Variants in LHFPL6 observed in about 807,000 individuals in gnomAD.
LHFPL6 encodes LHFPL tetraspan subfamily member 6.
Under a neutral mutation model 20.6 loss-of-function variants are expected in LHFPL6, and 9 were observed. The ratio of observed to expected loss-of-function variants is 0.44; its 90% CI spans 0.26 to 0.76. The LOEUF (loss-of-function observed/expected upper bound fraction) is 0.76, where lower values mean the gene tolerates loss of function less well. Ranked by LOEUF, LHFPL6 falls within the 30% of genes least tolerant of loss-of-function variation. LHFPL6 has a pLI of 0.20. For synonymous variants in LHFPL6, 105 were observed against 98.7 expected (o/e 1.06, Z -0.38); for missense variants, 218 against 253.5 (o/e 0.86, Z 0.95).
intron 2 of LHFPL6, among the ~76,000 whole-genome samples, chr13:39,550,620 A>G (rs1315802709): frequency 6.6e-6 from 1 of 152,126 alleles, no homozygotes; most frequent in African/African-American, 2.4e-5. Flanking sequence ...CCACTTTTTA[A>G]ATTGTTTTGA....
At chr13:39,561,048 G>A (rs555386405) in intron 2 of LHFPL6, among the ~76,000 whole-genome samples, 9 of 151,996 alleles carry the variant, frequency 5.9e-5, no homozygotes, top group Non-Finnish European at 1.3e-4. Context: ...CTATGCAGGA[G>A]CCAGCCGGGG....
chr13:39,430,341 T>C (rs1022879168), intron 2 of LHFPL6, among the ~76,000 whole-genome samples: 2 of 152,216 alleles, frequency 1.3e-5, no homozygotes, highest in African/African-American at 2.4e-5. Context: ...ATGACAATTC[T>C]GCGAGGTTTT....
rs566741882 is a variant in LHFPL6 at position 39,583,366 on chromosome 13, G to A, written c.385+17466C>T. ...TTTTATGTATTTTTTGTAGAAACAG[G>A]GTTTTGCCATGTTGCCCAGGCTGGT... On this transcript the variant is annotated intron_variant, in intron 2 of 3. Transcript: ENST00000379589. 2.9e-4 allele frequency among the ~76,000 whole-genome samples: 44 copies of A among 151,786 alleles called. No individual in the cohort carries two copies. The South Asian group carries it at 3.3e-3, about 11-fold the overall frequency.
intron 2 of LHFPL6, among the ~76,000 whole-genome samples, chr13:39,486,984 G>T (rs1473686282): frequency 6.6e-6 from 1 of 152,202 alleles, no homozygotes; most frequent in Non-Finnish European, 1.5e-5. Context: ...GGCAGCCACA[G>T]CTTGCACAAG....
At chr13:39,384,922 T>C (rs540780890) in intron 2 of LHFPL6, among the ~76,000 whole-genome samples, 2 of 152,302 alleles carry the variant, frequency 1.3e-5, no homozygotes, top group African/African-American at 4.8e-5. Context: ...AAAGATGTTG[T>C]GAAGCAAGTC....
intron 1 of LHFPL6, among the ~76,000 whole-genome samples, chr13:39,601,815 C>A (rs1161769129): frequency 6.6e-6 from 1 of 152,018 alleles, no homozygotes; most frequent in Admixed American, 6.5e-5. Flanking sequence ...TTTCTATGTC[C>A]CTTTAAGGGT....
At chr13:39,506,445 G>A (rs1285008305) in intron 2 of LHFPL6, among the ~76,000 whole-genome samples, 1 of 152,192 alleles carries the variant, frequency 6.6e-6, no homozygotes. Flanking sequence ...GGGATTTCAC[G>A]CTCTTCTGAG....
At chr13:39,474,775 G>C (rs945422629) in intron 2 of LHFPL6, among the ~76,000 whole-genome samples, 3 of 152,012 alleles carry the variant, frequency 2.0e-5, no homozygotes, top group Non-Finnish European at 2.9e-5. Context: ...GACCCATGGT[G>C]GGGGCAGGCC....
At chr13:39,459,031 A>T (rs191561534) in intron 2 of LHFPL6, among the ~76,000 whole-genome samples, 1 of 152,188 alleles carries the variant, frequency 6.6e-6, no homozygotes, top group East Asian at 1.9e-4. Context: ...TTCCCTTCCA[A>T]GGACTTTTAA....
chr13:39,458,106 G>C (rs1872611542), intron 2 of LHFPL6, among the ~76,000 whole-genome samples: 1 of 152,158 alleles, frequency 6.6e-6, no homozygotes, highest in South Asian at 2.1e-4. Flanking sequence ...TGGAGAAATA[G>C]TTTCATCCTG....
At chr13:39,527,490 T>TTG (rs1229415524) in intron 2 of LHFPL6, among the ~76,000 whole-genome samples, 4 of 151,870 alleles carry the variant, frequency 2.6e-5, no homozygotes, top group African/African-American at 9.7e-5. Context: ...GACAACATGG[T>TTG]TCCATCTGTT....
intron 3 of LHFPL6, among the ~76,000 whole-genome samples, chr13:39,356,599 A>C (rs1366296173): frequency 6.6e-6 from 1 of 152,260 alleles, no homozygotes; most frequent in African/African-American, 2.4e-5. Context: ...GGAAGGATGC[A>C]CATGATAGAT....
At chr13:39,487,253 T>C (rs9576819) in intron 2 of LHFPL6, among the ~76,000 whole-genome samples, 33,384 of 152,062 alleles carry the variant, frequency 0.22, 5,660 homozygotes, top group East Asian at 0.73. Flanking sequence ...AAGAAACAAA[T>C]AGAGATAAAA....
chr13:39,417,018 T>G (rs1386246523), intron 2 of LHFPL6, among the ~76,000 whole-genome samples: 1 of 152,248 alleles, frequency 6.6e-6, no homozygotes, highest in Non-Finnish European at 1.5e-5. Flanking sequence ...CCGATACATT[T>G]AGGTTATTCC....
chr13:39,492,329 A>C (rs1325965973), intron 2 of LHFPL6, among the ~76,000 whole-genome samples: 1 of 152,224 alleles, frequency 6.6e-6, no homozygotes, highest in African/African-American at 2.4e-5. Context: ...TCACTTTCTT[A>C]GTAAAATAGG....
At chr13:39,500,056 A>AC (rs1182584408) in intron 2 of LHFPL6, among the ~76,000 whole-genome samples, 1 of 150,184 alleles carries the variant, frequency 6.7e-6, no homozygotes. Context: ...GGTCCTTTTT[A>AC]CCCCCAGATA....
rs116455007 is a variant in LHFPL6, at chr13:39,411,983, G to A, written c.386-33457C>T. 1.7e-3 allele frequency among the ~76,000 whole-genome samples: 257 copies of A among 152,262 alleles called. 1 individual carries two copies. The highest frequency in any genetic ancestry group is 6.0e-3 in the African/African-American group (251 of 41,542). On this transcript the variant is annotated intron_variant, in intron 2 of 3. Transcript: ENST00000379589. ...TTCCCATACTCTCTTTCACTTCTGT[G>A]GGACATAAGTATTAGAAGAGACTTA...
chr13:39,546,451 T>C (rs191277262), intron 2 of LHFPL6, among the ~76,000 whole-genome samples: 1 of 152,278 alleles, frequency 6.6e-6, no homozygotes, highest in Admixed American at 6.5e-5. Flanking sequence ...GAACCAATAA[T>C]CCAGTTGTTC....
At chr13:39,404,977 G>C (rs1356557951) in intron 2 of LHFPL6, among the ~76,000 whole-genome samples, 1 of 152,206 alleles carries the variant, frequency 6.6e-6, no homozygotes, top group East Asian at 1.9e-4. Context: ...TGAGTACTAT[G>C]TGATCAGTTT....
Sources: gnomAD v4.1 joint callset for allele counts (sites outside exome capture counted in the v4.1 genomes callset) on GRCh38, gnomAD v4.1.1 for gene constraint, MANE v1.5 for transcripts, NCBI Gene and HGNC (gene_info 2026-07-23, HGNC 2026-07-21) for gene names.